The following ZNF529 variants were observed in gnomAD, a reference collection of about 807,000 sequenced individuals.
ZNF529 encodes zinc finger protein 529.
Under a neutral mutation model 10.1 loss-of-function variants are expected in ZNF529, and 11 were observed. That is an observed-to-expected ratio of 1.09 (90% CI 0.69 to 1.81). The LOEUF (loss-of-function observed/expected upper bound fraction) is 1.81, where lower values mean the gene tolerates loss of function less well. ZNF529 is among the 40% of genes most tolerant of loss of function. The pLI, the probability that ZNF529 is intolerant of heterozygous loss-of-function variation, is 0.00. For missense variants in ZNF529, 624 were observed against 666.8 expected (o/e 0.94, Z 0.71); for synonymous variants, 204 against 215.7 (o/e 0.95, Z 0.47).
intron 2 of ZNF529, among the ~76,000 whole-genome samples, chr19:36,560,244 C>T (rs1332479996): frequency 4.6e-5 from 5 of 108,962 alleles, no homozygotes; most frequent in Non-Finnish European, 6.9e-5. Context: ...GCAACAAGAG[C>T]GAAACTCCGT....
intron 4 of ZNF529, 132 bp downstream of exon 4, chr19:36,554,538 A>T: frequency 2.9e-6 from 2 of 682,334 alleles, no homozygotes; most frequent in Non-Finnish European, 4.2e-6. Context: ...AGATCATGTC[A>T]CTGCACTCCA....
At chr19:36,550,580 G>C (rs1277008190) in intron 4 of ZNF529, among the ~76,000 whole-genome samples, 1 of 152,016 alleles carries the variant, frequency 6.6e-6, no homozygotes, top group East Asian at 1.9e-4. Context: ...AATAACTGTT[G>C]AGTCAATGTG....
At chr19:36,559,941 A>G (rs2035617699) in intron 2 of ZNF529, among the ~76,000 whole-genome samples, 1 of 152,160 alleles carries the variant, frequency 6.6e-6, no homozygotes, top group Non-Finnish European at 1.5e-5. Context: ...GATCCCAGGC[A>G]GTAATACAAA....
rs1351259489 is a variant in ZNF529 at position 36,545,430 on chromosome 19, G to C, written c.*1436C>G. On this transcript the variant is annotated 3_prime_UTR_variant, in exon 5 of 5. Transcript: ENST00000591340. ...TAATCCCAGCTAATCAGGAGGCTGA[G>C]CAGGAGAATAGCCTGAACCTGGGAG... 2 of 152,400 alleles carry C rather than the reference G, an allele frequency of 1.3e-5. No individual in the cohort carries two copies. Among genetic ancestry groups the C allele is most frequent in the Non-Finnish European group, 2.9e-5 (2 of 68,334 alleles). The allele number at this position is 152,400 out of a possible 1,614,324, so 9.4% of individuals were successfully genotyped here. A position where few individuals can be genotyped will look rare whatever the true frequency, so the allele number is the denominator to read the frequency against.
chr19:36,547,308 G>A lies in ZNF529; in HGVS notation c.1250C>T (p.Thr417Ile). The A allele has an allele frequency of 1.9e-6, 3 of 1,613,828 alleles. No homozygotes were observed. The highest frequency in any genetic ancestry group is 2.5e-6 in the Non-Finnish European group (3 of 1,179,916). The change falls in exon 5 of 5, where the codon ACT becomes ATT. Residue 417 changes from threonine (T) to isoleucine (I), a missense_variant. Coordinates refer to ENST00000591340, the MANE Select transcript of ZNF529 (RefSeq NM_020951.5). ...TTTACATTTATAGGGTTTTTCACCA[G>A]TATGAATCCTCTGATGTCTAGTCAG... ...SSLTRHQRIHTGEKPYKCKEC... is the reference protein window; with the variant it reads ...SSLTRHQRIHIGEKPYKCKEC...
chr19:36,579,156 G>A (rs759031590), intron 2 of ZNF529, among the ~76,000 whole-genome samples: 23 of 151,606 alleles, frequency 1.5e-4, no homozygotes, highest in Non-Finnish European at 2.6e-4. Flanking sequence ...AGCCAAGATT[G>A]CGCCGTTGCA....
Position 36,547,707 on chromosome 19 carries a change from C to G in ZNF529, c.851G>C (p.Cys284Ser). 6.2e-7 allele frequency: 1 copy of G among 1,613,926 alleles called. No homozygotes were observed. The highest frequency in any genetic ancestry group is 8.5e-7 in the Non-Finnish European group (1 of 1,179,850). ...TCTAAAGGATTTCCCACAGAATGAG[C>G]ATTCAAAGTGTTTCTCACCATCATG... ...RVHDGEKHFE[C>S]SFCGKSFRVH... The change falls in exon 5 of 5, where the codon TGC (cysteine) becomes TCC (serine). Residue 284 changes from cysteine (C) to serine (S), a missense_variant. Coordinates refer to ENST00000591340, the MANE Select transcript of ZNF529 (RefSeq NM_020951.5).
intron 1 of ZNF529, among the ~76,000 whole-genome samples, chr19:36,597,420 T>C (rs1331508986): frequency 6.6e-6 from 1 of 152,206 alleles, no homozygotes; most frequent in Non-Finnish European, 1.5e-5. Context: ...ATAAAGATTA[T>C]AATACTGTGC....
At chr19:36,599,069 A>C (rs568327841) in intron 1 of ZNF529, among the ~76,000 whole-genome samples, 1 of 152,354 alleles carries the variant, frequency 6.6e-6, no homozygotes, top group East Asian at 1.9e-4. Flanking sequence ...TGAAAATATT[A>C]ACAAAAGATC....
chr19:36,585,766 T>C (rs2036566478), intron 2 of ZNF529, among the ~76,000 whole-genome samples: 1 of 152,166 alleles, frequency 6.6e-6, no homozygotes, highest in Non-Finnish European at 1.5e-5. Context: ...AGGCTGGATT[T>C]TGGTGGGATG....
At chr19:36,554,468 C>T (rs967603336) in intron 4 of ZNF529, among the ~76,000 whole-genome samples, 2 of 152,130 alleles carry the variant, frequency 1.3e-5, no homozygotes, top group Non-Finnish European at 2.9e-5. Context: ...ATTCCAGCTA[C>T]TCTGGAGGCT....
At chr19:36,584,794 C>T (rs1017811527) in intron 2 of ZNF529, among the ~76,000 whole-genome samples, 48 of 151,656 alleles carry the variant, frequency 3.2e-4, no homozygotes, top group African/African-American at 1.2e-3. Context: ...AAGAATGTAC[C>T]TACAGCATTC....
In ZNF529 at chr19:36,546,679, T is replaced by A; in HGVS notation, c.*187A>T. ...TAAAAAGGAGAAATATTTGGCAACA[T>A]CTAACAAAGCTATAAGTATATATCA... On this transcript the variant is annotated 3_prime_UTR_variant, in exon 5 of 5. Transcript: ENST00000591340. 1.9e-6 allele frequency: 1 copy of A among 529,266 alleles called. No individual in the cohort carries two copies. The highest frequency in any genetic ancestry group is 3.0e-6 in the Non-Finnish European group (1 of 329,044). 32.8% of individuals were successfully genotyped at this position (529,266 alleles called of 1,614,324 possible). A position where few individuals can be genotyped will look rare whatever the true frequency, so the allele number is the denominator to read the frequency against.
At chr19:36,576,886 CCATACAAGGGAAAGCCTCATCATGTCCA>C (rs2036332252), upstream of ZNF529, among the ~76,000 whole-genome samples, 1 of 151,690 alleles carries the variant, frequency 6.6e-6, no homozygotes, top group Admixed American at 6.6e-5. Flanking sequence ...TCAGGAGAGC[CCATACAAGGGAAAGCCTCATCATGTCCA>C]CATATCTCAG....
At chr19:36,582,706 T>TTA (rs2036495162) in intron 2 of ZNF529, 1 of 88,530 alleles carries the variant, frequency 1.1e-5, no homozygotes, top group Non-Finnish European at 2.4e-5. Context: ...AGACTCCATC[T>TTA]TAAAAAAAAA....
chr19:36,567,027 A>T (rs1252360401), intron 2 of ZNF529, among the ~76,000 whole-genome samples: 1 of 152,132 alleles, frequency 6.6e-6, no homozygotes, highest in African/African-American at 2.4e-5. Flanking sequence ...AAAAAAAAAA[A>T]AATTCATATG....
At position 36,553,777 on chromosome 19, in the gene ZNF529, G is replaced by A. The variant is rs139738985; in HGVS notation, c.235+893C>T. Among the ~76,000 whole-genome samples the A allele has an allele frequency of 5.4e-4, 82 of 152,256 alleles. No homozygotes were observed. The East Asian group carries it at 8.9e-3, about 16-fold the overall frequency. On this transcript the variant is annotated intron_variant, in intron 4 of 4. Coordinates refer to ENST00000591340, the MANE Select transcript of ZNF529 (RefSeq NM_020951.5). ...ACACAATGTACAGGTTGTACATGCC[G>A]AATCTACAATCTGAAATTCAGCTAC...
Position 36,556,005 on chromosome 19 carries a change from G to T in ZNF529, c.108+99C>A, listed in dbSNP as rs1600264187. 3.2e-6 allele frequency: 4 copies of T among 1,242,646 alleles called. No individual in the cohort carries two copies. In the East Asian group the frequency reaches 1.0e-4, roughly 32 times the overall value. 77.0% of individuals were successfully genotyped at this position (1,242,646 alleles called of 1,614,324 possible). On this transcript the variant is annotated intron_variant, in intron 3 of 4. Transcript: ENST00000591340. Reference sequence around the variant, plus strand: ...ACTCCAGCCCTTACTAGAAAGCGAAGAAGTATGGGGTTGTGGTACAGGTTC... The same window carrying T: ...ACTCCAGCCCTTACTAGAAAGCGAATAAGTATGGGGTTGTGGTACAGGTTC...
intron 2 of ZNF529, among the ~76,000 whole-genome samples, chr19:36,585,398 G>A (rs1481371712): frequency 6.6e-6 from 1 of 152,156 alleles, no homozygotes; most frequent in African/African-American, 2.4e-5. Flanking sequence ...AGAGCCCTGT[G>A]CTCACAGATC....
Sources: allele counts gnomAD v4.1 joint callset (sites outside exome capture counted in the v4.1 genomes callset), GRCh38; gene constraint gnomAD v4.1.1; transcripts MANE v1.5; gene names NCBI Gene and HGNC (gene_info 2026-07-23, HGNC 2026-07-21).